Variants in ERC2 observed in about 807,000 individuals in gnomAD.
ERC2 encodes the protein ELKS/RAB6-interacting/CAST family member 2.
A neutral mutation model predicts 114.8 loss-of-function variants in ERC2; 42 were observed. The observed-to-expected ratio is 0.37, with a 90% confidence interval of 0.29 to 0.47. The LOEUF (loss-of-function observed/expected upper bound fraction) is 0.47. Ranked by LOEUF, ERC2 falls within the 20% of genes least tolerant of loss-of-function variation. The probability of loss-of-function intolerance (pLI) is 0.99; values close to 1 mark genes in which losing one functional copy is unlikely to be tolerated. For synonymous variants in ERC2, 454 were observed against 425.5 expected, an observed-to-expected ratio of 1.07 and a Z score of -0.82; for missense variants, 939 against 1,150.7, an observed-to-expected ratio of 0.82 and a Z score of 2.66.
intron 14 of ERC2, among the ~76,000 whole-genome samples, chr3:55,864,158 C>CATATATATACACATAT (rs1379159841): frequency 8.9e-6 from 1 of 112,992 alleles, no homozygotes; most frequent in Non-Finnish European, 1.8e-5. Flanking sequence ...TATATATACA[C>CATATATATACACATAT]ATATATATAC....
At chr3:55,683,713 G>C (rs2062175133) in intron 17 of ERC2, 81 bp downstream of exon 17, 2 of 1,129,384 alleles carry the variant, frequency 1.8e-6, no homozygotes, top group East Asian at 2.6e-5. Flanking sequence ...ACAAACATCA[G>C]CGAGCACAAT....
At chr3:56,141,309 C>T (rs1413899779) in intron 5 of ERC2, among the ~76,000 whole-genome samples, 2 of 152,158 alleles carry the variant, frequency 1.3e-5, no homozygotes, top group South Asian at 2.1e-4. Flanking sequence ...TGACTTCCTT[C>T]TGCCAACAAA....
chr3:56,388,124 A>T (rs2106805118), intron 2 of ERC2, among the ~76,000 whole-genome samples: 1 of 152,122 alleles, frequency 6.6e-6, no homozygotes, highest in East Asian at 1.9e-4. Context: ...GCTAAGGACT[A>T]TGTTCAGCAC....
intron 17 of ERC2, among the ~76,000 whole-genome samples, chr3:55,583,886 TA>T (rs1199772721): frequency 6.4e-5 from 1 of 15,708 alleles, no homozygotes; most frequent in African/African-American, 8.8e-5. Flanking sequence ...GCCAACTTGC[TA>T]GCCCCCCTCC....
intron 2 of ERC2, among the ~76,000 whole-genome samples, chr3:56,304,616 G>A (rs1230043477): frequency 6.6e-6 from 1 of 152,226 alleles, no homozygotes; most frequent in Non-Finnish European, 1.5e-5. Flanking sequence ...TAGACGATGA[G>A]TATTATTAGC....
At chr3:55,768,811 AC>A (rs1292384543) in intron 14 of ERC2, among the ~76,000 whole-genome samples, 1 of 152,168 alleles carries the variant, frequency 6.6e-6, no homozygotes, top group Non-Finnish European at 1.5e-5. Flanking sequence ...CAGGTTACAC[AC>A]CCTAGTTGGG....
At chr3:55,852,858 T>C (rs2061632886) in intron 14 of ERC2, among the ~76,000 whole-genome samples, 1 of 152,262 alleles carries the variant, frequency 6.6e-6, no homozygotes, top group South Asian at 2.1e-4. Flanking sequence ...ATTGGCATAG[T>C]CATTAGCCCT....
At chr3:55,915,396 A>G (rs1223464450) in intron 13 of ERC2, among the ~76,000 whole-genome samples, 2 of 152,182 alleles carry the variant, frequency 1.3e-5, no homozygotes, top group East Asian at 1.9e-4. Context: ...GGAGGTATGT[A>G]GCATATAAAA....
At chr3:55,815,326 T>C (rs373214462) in intron 14 of ERC2, among the ~76,000 whole-genome samples, 2 of 152,162 alleles carry the variant, frequency 1.3e-5, no homozygotes, top group African/African-American at 4.8e-5. Context: ...TTTGCAAACA[T>C]AATTAAGGTC....
chr3:55,680,609 TTC>T (rs1389955317), intron 17 of ERC2, among the ~76,000 whole-genome samples: 2 of 152,222 alleles, frequency 1.3e-5, no homozygotes, highest in African/African-American at 4.8e-5. Flanking sequence ...AGAGCACATT[TTC>T]ACAATTGAAA....
intron 13 of ERC2, among the ~76,000 whole-genome samples, chr3:55,939,705 G>A (rs541977086): frequency 6.6e-6 from 1 of 152,234 alleles, no homozygotes; most frequent in East Asian, 1.9e-4. Flanking sequence ...GAACAATTAG[G>A]AGAAAAATAG....
intron 7 of ERC2, among the ~76,000 whole-genome samples, chr3:56,053,528 A>G (rs955496533): frequency 1.3e-5 from 2 of 152,334 alleles, no homozygotes; most frequent in Admixed American, 1.3e-4. Flanking sequence ...CTGATCTTTT[A>G]CATGTCCTTG....
intron 17 of ERC2, among the ~76,000 whole-genome samples, chr3:55,528,579 A>C (rs779283947): frequency 6.6e-6 from 1 of 152,222 alleles, no homozygotes; most frequent in African/African-American, 2.4e-5. Context: ...CATAATATTC[A>C]ATCATTCATA....
chr3:55,728,885 C>A lies in ERC2; in HGVS notation c.2712+5886G>T, dbSNP rs554312394. Among the ~76,000 whole-genome samples the A allele has an allele frequency of 5.3e-5, 8 of 152,324 alleles. No individual in the cohort carries two copies. In the South Asian group the frequency reaches 1.4e-3, roughly 28 times the overall value. The stretch of plus-strand genomic sequence containing the variant: ...CCCTACTCCCACACTACTTAAAAAT[C>A]TCGTCAGGTGTGACAGGCAAATTCT... On this transcript the variant is annotated intron_variant, in intron 15 of 17. Coordinates refer to ENST00000288221, the MANE Select transcript of ERC2 (RefSeq NM_015576.3).
chr3:55,754,793 A>T (rs912974845), intron 14 of ERC2, among the ~76,000 whole-genome samples: 1 of 152,070 alleles, frequency 6.6e-6, no homozygotes, highest in African/African-American at 2.4e-5. Context: ...TAAACAGCGC[A>T]ACATGAGCCA....
chr3:56,032,401 C>T (rs1576630867), intron 7 of ERC2, among the ~76,000 whole-genome samples: 1 of 151,980 alleles, frequency 6.6e-6, no homozygotes, highest in Non-Finnish European at 1.5e-5. Context: ...GACTTATGGG[C>T]CGCCATTAAG....
In ERC2 at chr3:55,997,899, TTTTTTTTTGTG is replaced by T. The variant is rs1559996481; in HGVS notation, c.2062-5660_2062-5650del. The stretch of plus-strand genomic sequence containing the variant: ...AATTCTGTTTTTTTTTTTTTTTTTT[TTTTTTTTTGTG>T]TGTGTGTGTGTGTTTTTTGTTTTTT... On this transcript the variant is annotated intron_variant, in intron 10 of 17. Coordinates refer to ENST00000288221, the MANE Select transcript of ERC2 (RefSeq NM_015576.3). Among the ~76,000 whole-genome samples, 11 of 51,620 alleles carry T rather than the reference TTTTTTTTTGTG, an allele frequency of 2.1e-4. No individual in the cohort carries two copies. The East Asian group carries it at 8.0e-3, about 37-fold the overall frequency. 33.9% of individuals were successfully genotyped at this position (51,620 alleles called of 152,430 possible).
At chr3:55,990,758 A>G (rs149419651) in intron 11 of ERC2, among the ~76,000 whole-genome samples, 9 of 152,324 alleles carry the variant, frequency 5.9e-5, no homozygotes, top group African/African-American at 2.2e-4. Context: ...AATGATATAC[A>G]TGTTCCACTT....
In ERC2 at chr3:56,232,908, A is replaced by G. The variant is rs370332870; in HGVS notation, c.1075-59388T>C. ...CTTCCTCATTATCTCCCGTTTCCGA[A>G]TAATTCTCATTCAGCCTTCAGAGCT... On this transcript the variant is annotated intron_variant, in intron 3 of 17. Transcript: ENST00000288221. 1.6e-4 allele frequency among the ~76,000 whole-genome samples: 24 copies of G among 152,350 alleles called. No homozygotes were observed. The East Asian group carries it at 2.9e-3, about 18-fold the overall frequency.
Sources: allele counts gnomAD v4.1 joint callset (sites outside exome capture counted in the v4.1 genomes callset), GRCh38; gene constraint gnomAD v4.1.1; transcripts MANE v1.5; gene names NCBI Gene and HGNC (gene_info 2026-07-23, HGNC 2026-07-21).